The following UNC80 variants were observed in gnomAD, a reference collection of about 807,000 sequenced individuals.
UNC80 encodes unc-80 subunit of NALCN channel complex.
UNC80 carries 164 observed loss-of-function variants against 384.6 expected under a neutral mutation model. That is an observed-to-expected ratio of 0.43 (90% confidence interval 0.38 to 0.49). The LOEUF (loss-of-function observed/expected upper bound fraction) is 0.49, where lower values mean the gene tolerates loss of function less well. Among genes scored for constraint, UNC80 ranks in the 20% least tolerant of loss-of-function variants. The pLI is 0.00. For synonymous variants in UNC80, 1,486 were observed against 1,527.8 expected, an observed-to-expected ratio of 0.97 and a Z score of 0.64; for missense variants, 3,330 against 4,143.0, an observed-to-expected ratio of 0.80 and a Z score of 5.39.
chr2:209,884,185 T>C (rs757739713), intron 25 of UNC80, among the ~76,000 whole-genome samples: 15 of 152,234 alleles, frequency 9.9e-5, no homozygotes, highest in Non-Finnish European at 2.1e-4. Flanking sequence ...AAAGGAATAT[T>C]TTTTAAACAA....
intron 6 of UNC80, among the ~76,000 whole-genome samples, chr2:209,789,944 C>T (rs373171099): frequency 2.6e-5 from 4 of 151,876 alleles, no homozygotes; most frequent in South Asian, 4.2e-4. Context: ...TAACATATCA[C>T]CTTGTTCTCA....
intron 25 of UNC80, 42 bp from the exon 26 acceptor site, chr2:209,888,053 G>A (rs1437423613): frequency 1.3e-6 from 2 of 1,548,156 alleles, no homozygotes; most frequent in Admixed American, 2.0e-5. Context: ...ATGCAGTGCT[G>A]GGGAGATGCC....
At chr2:209,937,961 A>G (rs1271882876) in intron 42 of UNC80, among the ~76,000 whole-genome samples, 1 of 152,216 alleles carries the variant, frequency 6.6e-6, no homozygotes, top group African/African-American at 2.4e-5. Flanking sequence ...AAATACACAT[A>G]ATGTAGCTAT....
chr2:209,902,129 A>AC (rs558751937), intron 28 of UNC80, among the ~76,000 whole-genome samples: 31 of 152,152 alleles, frequency 2.0e-4, no homozygotes, highest in Admixed American at 6.5e-4. Flanking sequence ...GTTGATGCCA[A>AC]CCCTAATGGA....
intron 45 of UNC80, among the ~76,000 whole-genome samples, chr2:209,943,865 T>C (rs1402305427): frequency 6.6e-6 from 1 of 152,166 alleles, no homozygotes; most frequent in African/African-American, 2.4e-5. Context: ...CCTGGTTACT[T>C]TGGGCCAGTT....
chr2:209,915,620 AGTGGTG>A (rs1455452583), intron 31 of UNC80, among the ~76,000 whole-genome samples: 1 of 152,144 alleles, frequency 6.6e-6, no homozygotes, highest in African/African-American at 2.4e-5. Flanking sequence ...GTGAAAAACC[AGTGGTG>A]GTTTCTGAGC....
At chr2:209,900,836 A>C (rs558422262) in intron 28 of UNC80, among the ~76,000 whole-genome samples, 79 of 152,340 alleles carry the variant, frequency 5.2e-4, no homozygotes, top group African/African-American at 1.8e-3. Context: ...GATATGGAGA[A>C]AGTTTTAGTG....
rs2081578792 is a variant in UNC80, at chr2:209,839,428, T to C, written c.3248T>C (p.Ile1083Thr). 11 of 1,551,964 alleles carry C rather than the reference T, an allele frequency of 7.1e-6. No individual in the cohort carries two copies. The East Asian group carries it at 2.4e-4, about 34-fold the overall frequency. The stretch of plus-strand genomic sequence containing the variant: ...CTCCGAAAGAAGCTTAAACTCCCCA[T>C]AGGTAAAAGTATGTCTGTATTTGTT... ...ISLRKKLKLP[I>T]GNWLKRSSLS... The change falls in exon 19 of 65, where the codon ATA becomes ACA. Residue 1083 changes from isoleucine to threonine, a missense_variant and splice_region_variant. This residue lies in a region of UNC80 where 801 missense variants were observed against 950.8 expected (regional missense o/e 0.84). Transcript: ENST00000673920. The surrounding 1 kb of genome is among the most constrained non-coding windows in gnomAD (Gnocchi z 4.1).
chr2:209,877,218 T>C (rs1373377598), intron 23 of UNC80, among the ~76,000 whole-genome samples: 5 of 152,298 alleles, frequency 3.3e-5, no homozygotes, highest in South Asian at 2.1e-4. Flanking sequence ...GTGTTTTTTG[T>C]CTCTTCTTGT....
At chr2:209,818,931 C>T in intron 11 of UNC80, 62 bp from the exon 12 acceptor site, 2 of 1,492,300 alleles carry the variant, frequency 1.3e-6, no homozygotes, top group Non-Finnish European at 1.8e-6. Flanking sequence ...AATAGTATAA[C>T]TGTCTAACTG....
intron 52 of UNC80, 96 bp from the exon 53 acceptor site, chr2:209,969,672 C>T: frequency 6.8e-7 from 1 of 1,463,200 alleles, no homozygotes; most frequent in South Asian, 1.4e-5. Flanking sequence ...GAGACACATC[C>T]TGTCTTAGAT....
At chr2:209,801,988 A>C (rs2078593326) in intron 7 of UNC80, among the ~76,000 whole-genome samples, 1 of 152,230 alleles carries the variant, frequency 6.6e-6, no homozygotes, top group Admixed American at 6.5e-5. Flanking sequence ...AAATTTTGAT[A>C]GCAATTTTGG....
intron 56 of UNC80, among the ~76,000 whole-genome samples, chr2:209,973,773 G>T (rs903642991): frequency 6.6e-6 from 1 of 152,120 alleles, no homozygotes; most frequent in African/African-American, 2.4e-5. Context: ...TTCTGTATTT[G>T]GGCAGTCTAC....
At position 209,998,362 on chromosome 2, in the gene UNC80, GA is replaced by G. The variant is rs1419160074; in HGVS notation, c.*2772del. 2 of 152,156 alleles carry G rather than the reference GA, an allele frequency of 1.3e-5. No individual in the cohort carries two copies. Among genetic ancestry groups the G allele is most frequent in the African/African-American group, 4.8e-5 (2 of 41,434 alleles). The allele number at this position is 152,156 out of a possible 1,614,324, so 9.4% of individuals were successfully genotyped here. The stretch of plus-strand genomic sequence containing the variant: ...ATTAGATAAGCTATGTCATTTTTCT[GA>G]AAAAGAAACTGAGTTATTGAGTGTA... On this transcript the variant is annotated 3_prime_UTR_variant, in exon 65 of 65. Coordinates refer to ENST00000673920, the MANE Select transcript of UNC80 (RefSeq NM_001371986.1).
In UNC80 at chr2:209,933,846, C is replaced by T; in HGVS notation, c.6019C>T (p.Arg2007Trp). 4 of 1,550,838 alleles carry T rather than the reference C, an allele frequency of 2.6e-6. No individual in the cohort carries two copies. Among genetic ancestry groups the T allele is most frequent in the Non-Finnish European group, 3.5e-6 (4 of 1,146,596 alleles). Residue 2007 changes from arginine (R) to tryptophan (W), a missense_variant, in exon 39 of 65, where the codon CGG (arginine) becomes TGG (tryptophan). Transcript: ENST00000673920. Reference protein sequence around the residue: ...YLVGLIMYFVRTPCEWGMDAI... With the variant: ...YLVGLIMYFVWTPCEWGMDAI... ...GGTAGGATTAATCATGTACTTTGTG[C>T]GGACCCCCTGCGAGTGGGGGATGGA...
intron 7 of UNC80, among the ~76,000 whole-genome samples, chr2:209,797,363 C>T (rs2078228663): frequency 6.6e-6 from 1 of 152,114 alleles, no homozygotes; most frequent in African/African-American, 2.4e-5. Context: ...TGTGTTGTTC[C>T]TCCTCTGTAT....
chr2:209,774,017 T>G (rs1304186661), intron 2 of UNC80, among the ~76,000 whole-genome samples: 1 of 152,212 alleles, frequency 6.6e-6, no homozygotes, highest in Admixed American at 6.5e-5. Context: ...TATTTGGAGC[T>G]TACCTAAAAG....
intron 29 of UNC80, among the ~76,000 whole-genome samples, chr2:209,905,502 G>T (rs1251160021): frequency 6.6e-6 from 1 of 152,130 alleles, no homozygotes; most frequent in Admixed American, 6.5e-5. Flanking sequence ...GCCTCTAGAA[G>T]CTAGATAAGA....
At chr2:209,925,686 T>C (rs1193755262) in intron 35 of UNC80, among the ~76,000 whole-genome samples, 1 of 152,106 alleles carries the variant, frequency 6.6e-6, no homozygotes, top group Non-Finnish European at 1.5e-5. Context: ...GGTGCGATTT[T>C]ACAGAGTGCT....
Sources: allele counts gnomAD v4.1 joint callset (sites outside exome capture counted in the v4.1 genomes callset), GRCh38; gene constraint gnomAD v4.1.1; regional missense constraint gnomAD v4.1.1; non-coding constraint Gnocchi (gnomAD v3.1); transcripts MANE v1.5; gene names NCBI Gene and HGNC (gene_info 2026-07-23, HGNC 2026-07-21).